SLC16A14: variants seen among roughly 807,000 people sequenced by gnomAD.
SLC16A14 encodes the protein solute carrier family 16 member 14, also known as monocarboxylate transporter 14.
A neutral mutation model predicts 35.8 loss-of-function variants in SLC16A14; 14 were observed. That is an observed-to-expected ratio of 0.39 (90% CI 0.26 to 0.61). SLC16A14 has a LOEUF of 0.61. Among genes scored for constraint, SLC16A14 ranks in the 20% least tolerant of loss-of-function variants. The pLI is 0.51. For synonymous variants in SLC16A14, 248 were observed against 258.9 expected (o/e 0.96, Z 0.40); for missense variants, 533 against 655.0 (o/e 0.81, Z 2.03).
intron 2 of SLC16A14, chr2:230,058,098 A>T (rs1420351225): frequency 1.3e-5 from 2 of 152,118 alleles, no homozygotes; most frequent in Admixed American, 6.6e-5. Flanking sequence ...TTTATCTAAA[A>T]TTTTTACCTT....
At chr2:230,047,175 A>G (rs1318599999) in intron 3 of SLC16A14, among the ~76,000 whole-genome samples, 1 of 152,130 alleles carries the variant, frequency 6.6e-6, no homozygotes, top group East Asian at 1.9e-4. Context: ...AGAGACCCCA[A>G]CCTGGCTCTT....
At chr2:230,058,367 T>A (rs1173039443) in intron 2 of SLC16A14, 1 of 152,164 alleles carries the variant, frequency 6.6e-6, no homozygotes, top group Non-Finnish European at 1.5e-5. Flanking sequence ...TTAAAATATT[T>A]AAATTGTTAT....
At chr2:230,048,228 A>G (rs542517065) in intron 3 of SLC16A14, among the ~76,000 whole-genome samples, 1 of 152,348 alleles carries the variant, frequency 6.6e-6, no homozygotes, top group African/African-American at 2.4e-5. Context: ...TTTTGCAGGT[A>G]AGGAAACTGA....
chr2:230,050,588 ATGTG>A (rs2077652306), intron 2 of SLC16A14, among the ~76,000 whole-genome samples: 1 of 152,230 alleles, frequency 6.6e-6, no homozygotes, highest in African/African-American at 2.4e-5. Flanking sequence ...GAAGTGCTTT[ATGTG>A]TGTGTCTGTG....
chr2:230,051,504 G>C (rs932920514), intron 2 of SLC16A14, among the ~76,000 whole-genome samples: 2 of 152,042 alleles, frequency 1.3e-5, no homozygotes, highest in African/African-American at 4.8e-5. Context: ...TTCTCCTCCT[G>C]ATTTTGTAGT....
intron 2 of SLC16A14, among the ~76,000 whole-genome samples, chr2:230,058,684 A>G (rs6716740): frequency 0.49 from 73,966 of 151,768 alleles, 18,728 homozygotes; most frequent in African/African-American, 0.6. Flanking sequence ...TCAGGCTGGT[A>G]TGCAATGGCA....
At chr2:230,063,090 C>A (rs1019391872) in intron 1 of SLC16A14, among the ~76,000 whole-genome samples, 1 of 151,990 alleles carries the variant, frequency 6.6e-6, no homozygotes, top group African/African-American at 2.4e-5. Flanking sequence ...GAGCTCGAGA[C>A]CAGCCTGGCC....
Position 230,046,196 on chromosome 2 carries a change from T to C in SLC16A14, c.930A>G (p.Leu310=), listed in dbSNP as rs1263400670. Residue 310 remains leucine, a synonymous_variant, in exon 4 of 5, where the codon CTA becomes CTG. Transcript: ENST00000295190. This position sits in a 1 kb window ranked among gnomAD's most constrained non-coding sequence, Gnocchi z 5.0. ...WYSGYFGTAS[L]FTNRMFVAFI... Reference sequence around the variant, plus strand: ...AGGCTACAAACATTCGATTTGTAAATAGAGAGGCTGTCCCAAAGTAGCCCG... The same window carrying C: ...AGGCTACAAACATTCGATTTGTAAACAGAGAGGCTGTCCCAAAGTAGCCCG... The C allele has an allele frequency of 3.1e-6, 5 of 1,614,072 alleles. No homozygotes were observed. In the African/African-American group the frequency reaches 4.0e-5, roughly 13 times the overall value.
Position 230,037,397 on chromosome 2 carries a change from C to T in SLC16A14, c.1516G>A (p.Asp506Asn). 6.2e-7 allele frequency: 1 copy of T among 1,608,262 alleles called. No individual in the cohort carries two copies. Among genetic ancestry groups the T allele is most frequent in the Non-Finnish European group, 8.5e-7 (1 of 1,178,404 alleles). The change falls in exon 5 of 5, where the codon GAT becomes AAT. Residue 506 changes from aspartate to asparagine, a missense_variant. By Grantham distance (23) the Asp-to-Asn change is conservative. Coordinates refer to ENST00000295190, the MANE Select transcript of SLC16A14 (RefSeq NM_152527.5). ...ACATGATACTAAACATGTGCACCAT[C>T]CATGTATTTTCTTCTGGATTGTTCT... ...IIEQSRRKYM[D>N]GAHV
chr2:230,060,272 T>C (rs2077741037), intron 1 of SLC16A14, among the ~76,000 whole-genome samples: 1 of 152,170 alleles, frequency 6.6e-6, no homozygotes, highest in Non-Finnish European at 1.5e-5. Flanking sequence ...GTACTTTGCA[T>C]AGATCTATCT....
chr2:230,057,948 G>A (rs2077719062), intron 2 of SLC16A14, among the ~76,000 whole-genome samples: 1 of 152,002 alleles, frequency 6.6e-6, no homozygotes, highest in Non-Finnish European at 1.5e-5. Context: ...AGAATACCTT[G>A]AACCTGGATG....
intron 4 of SLC16A14, among the ~76,000 whole-genome samples, chr2:230,044,179 A>C (rs983139816): frequency 3.3e-5 from 5 of 152,044 alleles, no homozygotes; most frequent in Admixed American, 1.3e-4. Flanking sequence ...CACCCTTATA[A>C]GTGAAAGGAG....
At position 230,049,956 on chromosome 2, in the gene SLC16A14, C is replaced by T. The variant is rs748303034; in HGVS notation, c.260-52G>A. 142 of 1,585,106 alleles carry T rather than the reference C, an allele frequency of 9.0e-5. 1 individual carries two copies. The highest frequency in any genetic ancestry group is 5.0e-4 in the Middle Eastern group (3 of 5,980). The stretch of plus-strand genomic sequence containing the variant: ...TGACTAAAGGTGCTTCCGTTTTATT[C>T]TTTCTCATAAATCTTCATGTGAAGA... On this transcript the variant is annotated intron_variant, in intron 2 of 4. Transcript: ENST00000295190.
In SLC16A14 at chr2:230,035,017, A is replaced by G. The variant is rs989937409; in HGVS notation, c.*2363T>C. 2.0e-5 allele frequency: 3 copies of G among 152,254 alleles called. No homozygotes were observed. The highest frequency in any genetic ancestry group is 4.4e-5 in the Non-Finnish European group (3 of 68,054). 9.4% of individuals were successfully genotyped at this position (152,254 alleles called of 1,614,324 possible). ...ACAACATTTATTTAGTTGTATGTAA[A>G]TAAAAATTACTTGGATACATGAGGG... On this transcript the variant is annotated 3_prime_UTR_variant, in exon 5 of 5. Coordinates refer to ENST00000295190, the MANE Select transcript of SLC16A14 (RefSeq NM_152527.5).
rs2106288011 is a variant in SLC16A14 at position 230,068,433 on chromosome 2, G to C, written c.-15+122C>G. On this transcript the variant is annotated intron_variant, in intron 1 of 4. Coordinates refer to ENST00000295190, the MANE Select transcript of SLC16A14 (RefSeq NM_152527.5). The surrounding 1 kb of genome is among the most constrained non-coding windows in gnomAD (Gnocchi z 5.1). ...GCAGCCTTTCCCGAGCCTGCCTTGG[G>C]CTGGGGCTGCCCCTTCCCGGGGGTC... 1 of 152,750 alleles carries C rather than the reference G, an allele frequency of 6.5e-6. No homozygotes were observed. Among genetic ancestry groups the C allele is most frequent in the Middle Eastern group, 3.4e-3 (1 of 294 alleles). The allele number at this position is 152,750 out of a possible 1,614,324, so 9.5% of individuals were successfully genotyped here. A position where few individuals can be genotyped will look rare whatever the true frequency, so the allele number is the denominator to read the frequency against.
chr2:230,046,217 GC>G lies in SLC16A14; in HGVS notation c.908del (p.Gly303AlafsTer15). 7 of 1,614,210 alleles carry G rather than the reference GC, an allele frequency of 4.3e-6. No homozygotes were observed. Among genetic ancestry groups the G allele is most frequent in the Non-Finnish European group, 5.1e-6 (6 of 1,180,040 alleles). Reference protein sequence around the residue: ...VRKGFEDWYSGYFGTASLFTN... With the variant: ...VRKGFEDWYSXYFGTASLFTN... ...TAAATAGAGAGGCTGTCCCAAAGTA[GC>G]CCGAATACCAGTCCTCGAAGCCCTT... On this transcript the variant is annotated frameshift_variant, in exon 4 of 5. Coordinates refer to ENST00000295190, the MANE Select transcript of SLC16A14 (RefSeq NM_152527.5). LOFTEE classifies it high-confidence loss of function. The surrounding 1 kb of genome is among the most constrained non-coding windows in gnomAD (Gnocchi z 5.0).
intron 4 of SLC16A14, among the ~76,000 whole-genome samples, chr2:230,044,303 T>G (rs2077582992): frequency 7.0e-6 from 1 of 143,032 alleles, no homozygotes; most frequent in Non-Finnish European, 1.5e-5. Flanking sequence ...TGAAACCCCG[T>G]CTCTACTTAA....
chr2:230,052,724 AC>A (rs2077671969), intron 2 of SLC16A14, among the ~76,000 whole-genome samples: 1 of 152,170 alleles, frequency 6.6e-6, no homozygotes, highest in Admixed American at 6.5e-5. Context: ...AAAAACATTA[AC>A]TAAACAGCCA....
chr2:230,060,360 C>T (rs12616154), intron 1 of SLC16A14, among the ~76,000 whole-genome samples: 140,337 of 152,148 alleles, frequency 0.92, 64,798 homozygotes, highest in East Asian at 1. Flanking sequence ...GTTTGTTTTC[C>T]TGAGACAGGG....
Sources: allele counts gnomAD v4.1 joint callset (sites outside exome capture counted in the v4.1 genomes callset), GRCh38; gene constraint gnomAD v4.1.1; non-coding constraint Gnocchi (gnomAD v3.1); transcripts MANE v1.5; gene names NCBI Gene and HGNC (gene_info 2026-07-23, HGNC 2026-07-21).